SMCO2: variants seen among roughly 807,000 people sequenced by gnomAD.
SMCO2 encodes the protein single-pass membrane and coiled-coil domain-containing protein 2.
SMCO2 carries 25 observed loss-of-function variants against 29.5 expected under a neutral mutation model. The ratio of observed to expected loss-of-function variants is 0.85; its 90% CI spans 0.62 to 1.18. SMCO2 has a LOEUF of 1.18. Ranked by LOEUF, SMCO2 falls within the 50% of genes most tolerant of loss-of-function variation. The pLI is 0.00. For missense variants in SMCO2, 348 were observed against 344.5 expected (o/e 1.01, Z -0.08); for synonymous variants, 117 against 123.3 (o/e 0.95, Z 0.34).
the SMCO2 span, among the ~76,000 whole-genome samples, chr12:27,461,358 T>C: frequency 1.3e-5 from 2 of 152,136 alleles, no homozygotes; most frequent in African/African-American, 4.8e-5. Flanking sequence ...ATCATCGAGG[T>C]AATAGCATAG....
chr12:27,472,679 A>C, intron 2 of SMCO2, 97 bp from the exon 3 acceptor site: 1 of 811,410 alleles, frequency 1.2e-6, no homozygotes, highest in Non-Finnish European at 1.9e-6. Flanking sequence ...GGACTGGGGA[A>C]GATCTCAGTG....
chr12:27,453,629 C>G, the SMCO2 span, among the ~76,000 whole-genome samples: 1 of 152,186 alleles, frequency 6.6e-6, no homozygotes, highest in South Asian at 2.1e-4. Flanking sequence ...ATGGTTGCCT[C>G]TCCTCCCTCT....
the SMCO2 span, among the ~76,000 whole-genome samples, chr12:27,429,542 C>CT: frequency 2.6e-5 from 4 of 151,068 alleles, no homozygotes; most frequent in Admixed American, 1.3e-4. Flanking sequence ...CCACTTATAC[C>CT]TTTTTTTAGC....
At chr12:27,433,395 A>G in the SMCO2 span, among the ~76,000 whole-genome samples, 4 of 152,190 alleles carry the variant, frequency 2.6e-5, no homozygotes, top group Non-Finnish European at 5.9e-5. Flanking sequence ...ATCCAAACTT[A>G]TATAAATAGA....
At chr12:27,501,452 A>C (rs1424183450) in intron 7 of SMCO2, among the ~76,000 whole-genome samples, 1 of 149,390 alleles carries the variant, frequency 6.7e-6, no homozygotes, top group East Asian at 1.9e-4. Flanking sequence ...CAAACAAAAC[A>C]AAACAAAAAA....
intron 4 of SMCO2, among the ~76,000 whole-genome samples, chr12:27,476,467 C>T (rs896659172): frequency 1.3e-5 from 2 of 151,952 alleles, no homozygotes; most frequent in Non-Finnish European, 2.9e-5. Flanking sequence ...CATTAAAGTC[C>T]CCAACTGTTA....
At chr12:27,479,942 G>T (rs771885297) in intron 4 of SMCO2, among the ~76,000 whole-genome samples, 1 of 152,114 alleles carries the variant, frequency 6.6e-6, no homozygotes, top group African/African-American at 2.4e-5. Context: ...CCCACGATAC[G>T]CTGTCTGGAA....
chr12:27,447,028 A>G, the SMCO2 span, among the ~76,000 whole-genome samples: 2 of 152,160 alleles, frequency 1.3e-5, no homozygotes, highest in South Asian at 4.2e-4. Flanking sequence ...ACAGCATTGA[A>G]AACACTGTTC....
the SMCO2 span, among the ~76,000 whole-genome samples, chr12:27,454,308 A>G: frequency 6.6e-6 from 1 of 152,168 alleles, no homozygotes; most frequent in Non-Finnish European, 1.5e-5. Flanking sequence ...ATATGAATAA[A>G]TGTTTCCAAT....
chr12:27,451,736 T>G, the SMCO2 span, among the ~76,000 whole-genome samples: 1 of 152,208 alleles, frequency 6.6e-6, no homozygotes, highest in South Asian at 2.1e-4. Flanking sequence ...ATTTGGGGGT[T>G]GCAAACAAAC....
the SMCO2 span, among the ~76,000 whole-genome samples, chr12:27,457,530 C>T: frequency 6.6e-6 from 1 of 152,226 alleles, no homozygotes; most frequent in Non-Finnish European, 1.5e-5. Flanking sequence ...TCACCCAACC[C>T]AGGAATGGGG....
chr12:27,456,227 A>G, the SMCO2 span, among the ~76,000 whole-genome samples: 4 of 152,204 alleles, frequency 2.6e-5, no homozygotes, highest in African/African-American at 9.7e-5. Context: ...AAAAAAACGA[A>G]ATAACAAAGA....
At chr12:27,428,110 A>G in the SMCO2 span, among the ~76,000 whole-genome samples, 1 of 152,324 alleles carries the variant, frequency 6.6e-6, no homozygotes, top group East Asian at 1.9e-4. Flanking sequence ...TAGGTTTTAC[A>G]ATAGTGATGT....
chr12:27,433,812 G>A, the SMCO2 span, among the ~76,000 whole-genome samples: 1 of 152,188 alleles, frequency 6.6e-6, no homozygotes, highest in African/African-American at 2.4e-5. Context: ...CAGTTTTGGT[G>A]AGCATTTATT....
At chr12:27,471,285 T>A (rs931465759) in intron 2 of SMCO2, among the ~76,000 whole-genome samples, 2 of 152,216 alleles carry the variant, frequency 1.3e-5, no homozygotes, top group African/African-American at 4.8e-5. Context: ...TATAATTTAT[T>A]GAAGATAGTA....
the SMCO2 span, among the ~76,000 whole-genome samples, chr12:27,450,935 G>A: frequency 1.2e-4 from 19 of 152,246 alleles, no homozygotes; most frequent in Admixed American, 1.1e-3. Context: ...TAATTTCTTG[G>A]GAGGAGTGAA....
intron 4 of SMCO2, among the ~76,000 whole-genome samples, chr12:27,477,630 C>CATTCTTTTTT (rs1949600282): frequency 9.3e-6 from 1 of 107,866 alleles, no homozygotes; most frequent in Admixed American, 8.5e-5. Flanking sequence ...CATTCTTTTT[C>CATTCTTTTTT]ATTCTTTTTT....
chr12:27,477,634 C>CTTTTTTTTTTT (rs3051833), intron 4 of SMCO2, among the ~76,000 whole-genome samples: 25 of 109,618 alleles, frequency 2.3e-4, no homozygotes, highest in African/African-American at 4.2e-4. Context: ...CTTTTTCATT[C>CTTTTTTTTTTT]TTTTTTTTTT....
At chr12:27,492,115 ATTC>A (rs1942923639) in intron 5 of SMCO2, among the ~76,000 whole-genome samples, 1 of 152,210 alleles carries the variant, frequency 6.6e-6, no homozygotes, top group Non-Finnish European at 1.5e-5. Context: ...GTATATTTAT[ATTC>A]TTCCAAATTT....
Sources: gnomAD v4.1 joint callset for allele counts (sites outside exome capture counted in the v4.1 genomes callset) on GRCh38, gnomAD v4.1.1 for gene constraint, MANE v1.5 for transcripts, NCBI Gene and HGNC (gene_info 2026-07-23, HGNC 2026-07-21) for gene names.